The following GET1 variants were observed in gnomAD, a reference collection of about 807,000 sequenced individuals.
GET1 encodes the protein guided entry of tail-anchored proteins factor 1, also known as congenital heart disease 5 protein.
Under a neutral mutation model 22.6 loss-of-function variants are expected in GET1, and 20 were observed. The ratio of observed to expected loss-of-function variants is 0.89; its 90% CI spans 0.62 to 1.29. The LOEUF (loss-of-function observed/expected upper bound fraction) is 1.29. Among genes scored for constraint, GET1 ranks in the 50% most tolerant of loss-of-function variants. The pLI is 0.00. For missense variants in GET1, 209 were observed against 219.9 expected, an observed-to-expected ratio of 0.95 and a Z score of 0.31; for synonymous variants, 92 against 83.8, an observed-to-expected ratio of 1.10 and a Z score of -0.53.
Position 39,423,594 on chromosome 21 carries a change from A to G in GET1, c.*24-4638A>G, listed in dbSNP as rs532571729. The G allele has an allele frequency of 4.9e-5, 45 of 913,192 alleles. No individual in the cohort carries two copies. The African/African-American group carries it at 6.7e-4, about 14-fold the overall frequency. 56.6% of individuals were successfully genotyped at this position (913,192 alleles called of 1,614,324 possible). On this transcript the variant is annotated intron_variant, in intron 1 of 1. Coordinates refer to the GET1 transcript ENST00000478273. ...CCATGCCCCCATGCACACACACCACACACATACACACAAGCGTAAGTGTAA... is the reference window on the plus strand; with the variant it reads ...CCATGCCCCCATGCACACACACCACGCACATACACACAAGCGTAAGTGTAA...
At chr21:39,414,610 AC>A (rs1399898342) in intron 1 of GET1, among the ~76,000 whole-genome samples, 1 of 151,968 alleles carries the variant, frequency 6.6e-6, no homozygotes, top group Non-Finnish European at 1.5e-5. Flanking sequence ...CACTGCTTGA[AC>A]TGCCTAGGAC....
chr21:39,380,851 T>C, intron 1 of GET1: 1 of 972,130 alleles, frequency 1.0e-6, no homozygotes, highest in Non-Finnish European at 1.2e-6. Flanking sequence ...CCCAGAGGCC[T>C]GGCGGGCGAA....
At chr21:39,415,277 T>G (rs1394193551) in intron 1 of GET1, among the ~76,000 whole-genome samples, 3 of 152,208 alleles carry the variant, frequency 2.0e-5, no homozygotes, top group African/African-American at 7.2e-5. Flanking sequence ...TGAGGCCACC[T>G]TCTTGATCTA....
downstream of GET1, among the ~76,000 whole-genome samples, chr21:39,400,161 GGTGT>G (rs113184350): frequency 3.3e-5 from 5 of 150,896 alleles, no homozygotes; most frequent in African/African-American, 7.3e-5. Context: ...TCATGGGAGA[GGTGT>G]GTGTGTGTGT....
chr21:39,414,703 T>C (rs886169714), intron 1 of GET1, among the ~76,000 whole-genome samples: 34 of 150,434 alleles, frequency 2.3e-4, no homozygotes, highest in Admixed American at 1.1e-3. Flanking sequence ...TGCATCTGTC[T>C]GGTTCTCTCC....
chr21:39,398,986 C>T (rs1353389862), downstream of GET1, among the ~76,000 whole-genome samples: 2 of 152,132 alleles, frequency 1.3e-5, no homozygotes, highest in African/African-American at 4.8e-5. Context: ...CCGATCCACC[C>T]GCCTCGGCCT....
intron 1 of GET1, among the ~76,000 whole-genome samples, chr21:39,424,498 C>A (rs2074301469): frequency 6.6e-6 from 1 of 152,146 alleles, no homozygotes; most frequent in Admixed American, 6.6e-5. Flanking sequence ...AACAAACCAA[C>A]CCCATGACAA....
At position 39,397,749 on chromosome 21, in the gene GET1, C is replaced by T. The variant is rs1199028221; in HGVS notation, c.*810C>T. 1.3e-5 allele frequency: 2 copies of T among 152,170 alleles called. No homozygotes were observed. Among genetic ancestry groups the T allele is most frequent in the African/African-American group, 2.4e-5 (1 of 41,432 alleles). 9.4% of individuals were successfully genotyped at this position (152,170 alleles called of 1,614,324 possible). A position where few individuals can be genotyped will look rare whatever the true frequency, so the allele number is the denominator to read the frequency against. Reference sequence around the variant, plus strand: ...TAATTCTATTAAATGTTCCTTAAAACACTTTTTTCTAATTAAAATCTTTGC... The same window carrying T: ...TAATTCTATTAAATGTTCCTTAAAATACTTTTTTCTAATTAAAATCTTTGC... On this transcript the variant is annotated 3_prime_UTR_variant, in exon 5 of 5. Transcript: ENST00000649170.
At chr21:39,417,057 G>C (rs983284314) in intron 1 of GET1, among the ~76,000 whole-genome samples, 1 of 152,160 alleles carries the variant, frequency 6.6e-6, no homozygotes, top group African/African-American at 2.4e-5. Flanking sequence ...TTTTGAGACA[G>C]AGTCTCGCTC....
chr21:39,390,898 G>A, intron 2 of GET1, 35 bp downstream of exon 2: 1 of 1,610,656 alleles, frequency 6.2e-7, no homozygotes, highest in Non-Finnish European at 8.5e-7. Flanking sequence ...GGCTTCATGA[G>A]AGCGGATGAA....
chr21:39,382,396 G>A (rs888869885), intron 1 of GET1, among the ~76,000 whole-genome samples: 11 of 152,108 alleles, frequency 7.2e-5, no homozygotes, highest in East Asian at 5.8e-4. Context: ...CGAAACTCTC[G>A]CACTCATTAA....
rs2038702440 is a variant in GET1, at chr21:39,397,042, G to A, written c.*103G>A. The A allele has an allele frequency of 7.9e-7, 1 of 1,260,646 alleles. No individual in the cohort carries two copies. The highest frequency in any genetic ancestry group is 2.3e-5 in the Admixed American group (1 of 43,856). 78.1% of individuals were successfully genotyped at this position (1,260,646 alleles called of 1,614,324 possible). ...GTTTTTTAAGAAACAAAAGTGCATA[G>A]TTTAGATTTTTTTTTTGTTGAATAT... On this transcript the variant is annotated 3_prime_UTR_variant, in exon 5 of 5. Coordinates refer to ENST00000649170, the MANE Select transcript of GET1 (RefSeq NM_004627.6).
At chr21:39,402,185 C>G (rs1175103551), downstream of GET1, among the ~76,000 whole-genome samples, 1 of 152,108 alleles carries the variant, frequency 6.6e-6, no homozygotes, top group African/African-American at 2.4e-5. Context: ...CTCACAGCAA[C>G]CCCTGCCTCC....
chr21:39,381,077 A>AT (rs1569027207), intron 1 of GET1, among the ~76,000 whole-genome samples: 2 of 152,222 alleles, frequency 1.3e-5, no homozygotes, highest in Admixed American at 1.3e-4. Flanking sequence ...GAGTATTATC[A>AT]TCCCACCCTC....
At position 39,391,820 on chromosome 21, in the gene GET1, C is replaced by T; in HGVS notation, c.320C>T (p.Ala107Val). 1 of 1,614,144 alleles carries T rather than the reference C, an allele frequency of 6.2e-7. No individual in the cohort carries two copies. Among genetic ancestry groups the T allele is most frequent in the Non-Finnish European group, 8.5e-7 (1 of 1,180,020 alleles). Reference protein sequence around the residue: ...LAKIKWVISVAFYVLQAALMI... With the variant: ...LAKIKWVISVVFYVLQAALMI... ...AAGATAAAATGGGTGATAAGTGTCG[C>T]TTTCTACGTATTGCAGGTAAGTGTG... Residue 107 changes from alanine to valine, a missense_variant, in exon 3 of 5, where the codon GCT becomes GTT. Ala to Val is a moderately conservative substitution (Grantham distance 64, BLOSUM62 0). Transcript: ENST00000649170.
intron 1 of GET1, chr21:39,422,675 C>T (rs2073963090): frequency 2.2e-6 from 1 of 464,000 alleles, no homozygotes; most frequent in Non-Finnish European, 3.8e-6. Context: ...GGGAAAAAGT[C>T]CCTTAGCACT....
intron 1 of GET1, among the ~76,000 whole-genome samples, chr21:39,385,282 GCCGCACTGGTCC>G (rs1380004958): frequency 1.3e-5 from 2 of 152,144 alleles, no homozygotes; most frequent in Non-Finnish European, 2.9e-5. Flanking sequence ...CTCAGTCTAG[GCCGCACTGGTCC>G]CCGCACTGGT....
intron 4 of GET1, among the ~76,000 whole-genome samples, chr21:39,405,689 T>A (rs1222619698): frequency 6.6e-6 from 1 of 152,196 alleles, no homozygotes; most frequent in Admixed American, 6.5e-5. Flanking sequence ...GTATTTGAAG[T>A]GTTATCATTG....
chr21:39,406,079 C>G, exon 5 of GET1: 1 of 1,614,202 alleles, frequency 6.2e-7, no homozygotes, highest in Non-Finnish European at 8.5e-7. Flanking sequence ...AAGACATAGC[C>G]TGATCCAAAG....
Sources: allele counts gnomAD v4.1 joint callset (sites outside exome capture counted in the v4.1 genomes callset), GRCh38; gene constraint gnomAD v4.1.1; transcripts MANE v1.5; gene names NCBI Gene and HGNC (gene_info 2026-07-23, HGNC 2026-07-21).